Variants in PRR16 observed in about 807,000 individuals in gnomAD.
The protein encoded by PRR16 is protein Largen.
A neutral mutation model predicts 18.2 loss-of-function variants in PRR16; 6 were observed. That is an observed-to-expected ratio of 0.33 (90% confidence interval 0.18 to 0.65). The LOEUF (loss-of-function observed/expected upper bound fraction) is 0.65, where lower values mean the gene tolerates loss of function less well. Among genes scored for constraint, PRR16 ranks in the 30% least tolerant of loss-of-function variants. The probability of loss-of-function intolerance (pLI) is 0.74; values close to 1 mark genes in which losing one functional copy is unlikely to be tolerated. For missense variants in PRR16, 412 were observed against 376.6 expected, an observed-to-expected ratio of 1.09 and a Z score of -0.78; for synonymous variants, 151 against 147.8, an observed-to-expected ratio of 1.02 and a Z score of -0.16.
At chr5:120,721,267 G>A in the PRR16 span, among the ~76,000 whole-genome samples, 4 of 151,676 alleles carry the variant, frequency 2.6e-5, no homozygotes, top group Non-Finnish European at 5.9e-5. Context: ...CATCTTAGGG[G>A]GAAACATAAT....
chr5:120,707,705 A>T, the PRR16 span, among the ~76,000 whole-genome samples: 4 of 152,202 alleles, frequency 2.6e-5, no homozygotes, highest in African/African-American at 9.6e-5. Flanking sequence ...GGTCTGCACT[A>T]CTCAAGAGTT....
downstream of PRR16, among the ~76,000 whole-genome samples, chr5:120,689,269 A>G (rs1757182293): frequency 6.6e-6 from 1 of 152,166 alleles, no homozygotes; most frequent in Admixed American, 6.5e-5. Context: ...TGCCACATTC[A>G]CTGGAACTTA....
At chr5:120,493,561 A>C (rs979243855) in intron 1 of PRR16, among the ~76,000 whole-genome samples, 4 of 152,168 alleles carry the variant, frequency 2.6e-5, no homozygotes, top group Non-Finnish European at 4.4e-5. Context: ...CAGTGGTAAC[A>C]TCTTGAAAAA....
chr5:120,557,662 A>G (rs542165619), intron 1 of PRR16, among the ~76,000 whole-genome samples: 3 of 152,028 alleles, frequency 2.0e-5, no homozygotes, highest in African/African-American at 7.2e-5. Context: ...TTGATTACAT[A>G]TAGTTGCATT....
intron 1 of PRR16, among the ~76,000 whole-genome samples, chr5:120,591,824 T>C (rs990324585): frequency 1.3e-5 from 2 of 152,104 alleles, no homozygotes; most frequent in Non-Finnish European, 2.9e-5. Flanking sequence ...TTAATCGTGT[T>C]GTAAATAAAA....
rs544713646 is a variant in PRR16 at position 120,640,892 on chromosome 5, G to A, written c.160-45062G>A. ...TAGGCAGTTTTCACTTTGCCATTCT[G>A]TGACTTGGCAGTCTGTGAATTGGCT... is the stretch of plus-strand genomic sequence containing the variant. On this transcript the variant is annotated intron_variant, in intron 1 of 1. Coordinates refer to ENST00000407149, the MANE Select transcript of PRR16 (RefSeq NM_001300783.2). 3.3e-5 allele frequency among the ~76,000 whole-genome samples: 5 copies of A among 152,244 alleles called. No individual in the cohort carries two copies. In the South Asian group the frequency reaches 1.0e-3, roughly 32 times the overall value.
the PRR16 span, among the ~76,000 whole-genome samples, chr5:120,731,731 A>G: frequency 6.6e-6 from 1 of 152,194 alleles, no homozygotes; most frequent in Non-Finnish European, 1.5e-5. Context: ...TAATTTTCAC[A>G]TCAAAACAAG....
chr5:120,502,749 C>T (rs561636114), intron 1 of PRR16, among the ~76,000 whole-genome samples: 4 of 152,212 alleles, frequency 2.6e-5, no homozygotes, highest in African/African-American at 9.6e-5. Context: ...GGTTTCATAC[C>T]AGCAATTTCT....
chr5:120,534,370 A>G (rs1751648424), intron 1 of PRR16, among the ~76,000 whole-genome samples: 1 of 152,130 alleles, frequency 6.6e-6, no homozygotes, highest in Non-Finnish European at 1.5e-5. Context: ...TTACATTCCA[A>G]TATTCCTTCT....
rs184183027 is a variant in PRR16, at chr5:120,491,168, C to G, written c.159+26523C>G. Reference sequence around the variant, plus strand: ...GCTATGTTCTGGGAGAACCACTACTCTCTTCAAATCTGTCAGACAGGGACA... The same window carrying G: ...GCTATGTTCTGGGAGAACCACTACTGTCTTCAAATCTGTCAGACAGGGACA... On this transcript the variant is annotated intron_variant, in intron 1 of 1. Coordinates refer to ENST00000407149, the MANE Select transcript of PRR16 (RefSeq NM_001300783.2). 2.6e-3 allele frequency among the ~76,000 whole-genome samples: 403 copies of G among 152,236 alleles called. 1 individual carries two copies. Among genetic ancestry groups the G allele is most frequent in the Middle Eastern group, 0.014 (4 of 294 alleles).
intron 1 of PRR16, among the ~76,000 whole-genome samples, chr5:120,606,312 C>T (rs931063933): frequency 6.6e-6 from 1 of 152,130 alleles, no homozygotes; most frequent in African/African-American, 2.4e-5. Context: ...GAGCAGTAGG[C>T]ATCCAGTTAT....
chr5:120,532,971 C>G (rs564245261), intron 1 of PRR16, among the ~76,000 whole-genome samples: 3 of 152,128 alleles, frequency 2.0e-5, no homozygotes, highest in Non-Finnish European at 4.4e-5. Flanking sequence ...GTCGTTCTGT[C>G]TCAGAGCAGT....
intron 1 of PRR16, among the ~76,000 whole-genome samples, chr5:120,636,451 A>G (rs1374705793): frequency 2.0e-5 from 3 of 152,210 alleles, no homozygotes; most frequent in Non-Finnish European, 4.4e-5. Context: ...GGAACAGAAT[A>G]GAGAACCCAG....
chr5:120,577,335 A>C (rs1380611443), intron 1 of PRR16, among the ~76,000 whole-genome samples: 4 of 151,974 alleles, frequency 2.6e-5, no homozygotes, highest in Non-Finnish European at 5.9e-5. Context: ...AAATTCAGAA[A>C]AATGTAGAAA....
intron 1 of PRR16, among the ~76,000 whole-genome samples, chr5:120,537,801 G>T (rs1751772792): frequency 7.5e-6 from 1 of 133,944 alleles, no homozygotes; most frequent in Admixed American, 8.3e-5. Flanking sequence ...TTTTGAGACG[G>T]AGTCTCGCTC....
intron 1 of PRR16, among the ~76,000 whole-genome samples, chr5:120,594,026 C>T (rs1252409012): frequency 6.6e-6 from 1 of 152,066 alleles, no homozygotes; most frequent in Non-Finnish European, 1.5e-5. Flanking sequence ...CCACTTATGA[C>T]AAACCCACAG....
the PRR16 span, among the ~76,000 whole-genome samples, chr5:120,759,663 C>A: frequency 1.8e-4 from 27 of 152,026 alleles, no homozygotes; most frequent in Middle Eastern, 3.4e-3. Context: ...AAGAGTGAAC[C>A]TTAGTGTATA....
the PRR16 span, among the ~76,000 whole-genome samples, chr5:120,754,556 A>G: frequency 1.5e-5 from 1 of 64,830 alleles, no homozygotes; most frequent in Admixed American, 2.3e-4. Context: ...TATATAATAT[A>G]TATTATATAA....
chr5:120,648,506 G>A (rs17146891), intron 1 of PRR16, among the ~76,000 whole-genome samples: 3,764 of 152,172 alleles, frequency 0.025, 60 homozygotes, highest in Middle Eastern at 0.065. Context: ...CTTTCTGCCT[G>A]AGAGATGGCT....
Sources: gnomAD v4.1 joint callset for allele counts (sites outside exome capture counted in the v4.1 genomes callset) on GRCh38, gnomAD v4.1.1 for gene constraint, MANE v1.5 for transcripts, NCBI Gene and HGNC (gene_info 2026-07-23, HGNC 2026-07-21) for gene names.